Variants in HEATR4 observed in about 807,000 individuals in gnomAD.
HEATR4 encodes the protein HEAT repeat containing 4, also known as HEAT repeat-containing protein 4.
HEATR4 carries 95 observed loss-of-function variants against 108.8 expected under a neutral mutation model. The observed-to-expected ratio is 0.87, with a 90% CI of 0.74 to 1.04. HEATR4 has a LOEUF of 1.04. Among genes scored for constraint, HEATR4 ranks in the 50% least tolerant of loss-of-function variants. The pLI is 0.00. For missense variants in HEATR4, 1,152 were observed against 1,253.8 expected (o/e 0.92, Z 1.23); for synonymous variants, 443 against 459.4 (o/e 0.96, Z 0.46).
At position 73,492,032 on chromosome 14, in the gene HEATR4, C is replaced by T; in HGVS notation, c.2844+1034G>A. The T allele has an allele frequency of 6.2e-7, 1 of 1,614,000 alleles. No individual in the cohort carries two copies. Among genetic ancestry groups the T allele is most frequent in the South Asian group, 1.1e-5 (1 of 91,084 alleles). On this transcript the variant is annotated intron_variant, in intron 17 of 17. Coordinates refer to ENST00000553558, the MANE Select transcript of HEATR4 (RefSeq NM_001220484.1). The surrounding 1 kb of genome is among the most constrained non-coding windows in gnomAD (Gnocchi z 4.9). The stretch of plus-strand genomic sequence containing the variant: ...GCCCCCTAACTCGCAGGGCTTTGCC[C>T]CCCACTACGACGACATCGAGGCCTT...
intron 8 of HEATR4, 118 bp downstream of exon 8, chr14:73,509,194 C>G (rs1039554859): frequency 9.7e-7 from 1 of 1,026,950 alleles, no homozygotes; most frequent in African/African-American, 1.6e-5. Flanking sequence ...TAACATAAAT[C>G]TAAACCCAAT....
chr14:73,599,338 C>G, the HEATR4 span, among the ~76,000 whole-genome samples: 2 of 152,134 alleles, frequency 1.3e-5, no homozygotes, highest in Non-Finnish European at 2.9e-5. Flanking sequence ...TTTCAGTTAT[C>G]TATTGTTGTG....
At chr14:73,497,140 C>G (rs915604421) in intron 14 of HEATR4, among the ~76,000 whole-genome samples, 25 of 151,338 alleles carry the variant, frequency 1.7e-4, no homozygotes, top group African/African-American at 4.1e-4. Flanking sequence ...AGGTGATCCA[C>G]CCGCCTTGGC....
At chr14:73,569,975 C>CG in the HEATR4 span, 12 of 1,460,258 alleles carry the variant, frequency 8.2e-6, no homozygotes, top group African/African-American at 2.9e-5. Context: ...TGTATGCCCC[C>CG]CCGCCGCGCC....
At chr14:73,619,988 T>A in the HEATR4 span, 1 of 878,400 alleles carries the variant, frequency 1.1e-6, no homozygotes, top group Non-Finnish European at 1.6e-6. Context: ...CTTGGCTCAC[T>A]GTAACCTCTG....
Position 73,550,890 on chromosome 14 carries a change from G to A in HEATR4, c.-152+7861C>T, listed in dbSNP as rs549976808. ...AAAGAATGCAGTTTTTGCTGGGCGCGGTGGCATGGCTATAGTCCCAGCACT... is the reference window on the plus strand; with the variant it reads ...AAAGAATGCAGTTTTTGCTGGGCGCAGTGGCATGGCTATAGTCCCAGCACT... On this transcript the variant is annotated intron_variant, in intron 1 of 17. Coordinates refer to ENST00000553558, the MANE Select transcript of HEATR4 (RefSeq NM_001220484.1). 7.2e-4 allele frequency among the ~76,000 whole-genome samples: 83 copies of A among 114,810 alleles called. 19 individuals are homozygous for A. The highest frequency in any genetic ancestry group is 1.4e-3 in the Non-Finnish European group (73 of 52,720). The allele number at this position is 114,810 out of a possible 152,430, so 75.3% of individuals were successfully genotyped here. A position where few individuals can be genotyped will look rare whatever the true frequency, so the allele number is the denominator to read the frequency against.
chr14:73,499,188 G>T, intron 12 of HEATR4, 48 bp from the exon 13 acceptor site: 2 of 1,548,626 alleles, frequency 1.3e-6, no homozygotes, highest in Non-Finnish European at 1.8e-6. Flanking sequence ...GAGCAAGAAT[G>T]AACCAGAAAC....
chr14:73,527,660 A>G (rs1237024078), intron 2 of HEATR4, among the ~76,000 whole-genome samples: 1 of 151,982 alleles, frequency 6.6e-6, no homozygotes, highest in Non-Finnish European at 1.5e-5. Context: ...AGAATTGGTG[A>G]GCTTGAAGAC....
the HEATR4 span, among the ~76,000 whole-genome samples, chr14:73,617,571 C>G: frequency 7.4e-4 from 113 of 152,220 alleles, 1 homozygote; most frequent in Non-Finnish European, 1.2e-3. Flanking sequence ...GAGCACAGGA[C>G]TAAAAAAAGT....
At chr14:73,563,096 G>T (rs1444209032), upstream of HEATR4, among the ~76,000 whole-genome samples, 1 of 151,932 alleles carries the variant, frequency 6.6e-6, no homozygotes, top group Non-Finnish European at 1.5e-5. Context: ...ATAAAAACTT[G>T]CTGGTCTGAG....
chr14:73,483,575 T>A (rs564760688), intron 17 of HEATR4, among the ~76,000 whole-genome samples: 80 of 152,294 alleles, frequency 5.3e-4, no homozygotes, highest in African/African-American at 1.6e-3. Context: ...ATAAATACTT[T>A]CAAGCACAAT....
intron 9 of HEATR4, among the ~76,000 whole-genome samples, chr14:73,507,839 C>T (rs1292662352): frequency 2.0e-5 from 3 of 152,146 alleles, no homozygotes; most frequent in Non-Finnish European, 2.9e-5. Flanking sequence ...ACCTCCCAGG[C>T]TGAAGTGATT....
At chr14:73,574,435 C>A in the HEATR4 span, 1 of 243,688 alleles carries the variant, frequency 4.1e-6, no homozygotes, top group Non-Finnish European at 8.0e-6. Flanking sequence ...CCGGCTAATT[C>A]TTGTATTTTT....
intron 11 of HEATR4, among the ~76,000 whole-genome samples, chr14:73,501,966 C>T (rs1165811105): frequency 2.0e-5 from 3 of 150,950 alleles, no homozygotes; most frequent in South Asian, 2.1e-4. Flanking sequence ...AGGATGGTCT[C>T]GATCTCCTGA....
intron 12 of HEATR4, among the ~76,000 whole-genome samples, chr14:73,500,216 C>T (rs370317228): frequency 2.6e-5 from 4 of 151,288 alleles, no homozygotes; most frequent in Non-Finnish European, 2.9e-5. Context: ...GGTCACAGAG[C>T]GAGACTCCGT....
chr14:73,602,088 G>A, the HEATR4 span, among the ~76,000 whole-genome samples: 3 of 152,040 alleles, frequency 2.0e-5, no homozygotes, highest in Non-Finnish European at 4.4e-5. Flanking sequence ...CTACAGGCAC[G>A]GGCCACCGTG....
the HEATR4 span, among the ~76,000 whole-genome samples, chr14:73,623,885 G>A: frequency 3.3e-5 from 5 of 151,902 alleles, no homozygotes; most frequent in African/African-American, 1.2e-4. Context: ...ATCTGCACAC[G>A]CTAGGCCTCT....
the HEATR4 span, among the ~76,000 whole-genome samples, chr14:73,614,557 T>C: frequency 2.2e-3 from 332 of 151,222 alleles, 7 homozygotes; most frequent in Admixed American, 0.016. Flanking sequence ...CTGGCCAACA[T>C]GGCAAAACCC....
At chr14:73,506,825 T>TTTTTTTTTTC (rs60290843) in intron 9 of HEATR4, among the ~76,000 whole-genome samples, 1 of 126,132 alleles carries the variant, frequency 7.9e-6, no homozygotes, top group African/African-American at 3.3e-5. Flanking sequence ...TTTTTTTTTT[T>TTTTTTTTTTC]CTGAGAAGGT....
Sources: allele counts gnomAD v4.1 joint callset (sites outside exome capture counted in the v4.1 genomes callset), GRCh38; gene constraint gnomAD v4.1.1; non-coding constraint Gnocchi (gnomAD v3.1); transcripts MANE v1.5; gene names NCBI Gene and HGNC (gene_info 2026-07-23, HGNC 2026-07-21).